Variants in GIGYF2 observed in about 807,000 individuals in gnomAD.
GIGYF2 encodes GRB10 interacting GYF protein 2, also known as GRB10-interacting GYF protein 2.
A neutral mutation model predicts 208.1 loss-of-function variants in GIGYF2; 25 were observed. The ratio of observed to expected loss-of-function variants is 0.12; its 90% CI spans 0.09 to 0.17. GIGYF2 has a LOEUF of 0.17. Ranked by LOEUF, GIGYF2 falls within the 10% of genes least tolerant of loss-of-function variation. The pLI, the probability that GIGYF2 is intolerant of heterozygous loss-of-function variation, is 1.00. For synonymous variants in GIGYF2, 534 were observed against 543.8 expected, an observed-to-expected ratio of 0.98 and a Z score of 0.25; for missense variants, 1,302 against 1,579.4, an observed-to-expected ratio of 0.82 and a Z score of 2.98.
intron 28 of GIGYF2, among the ~76,000 whole-genome samples, chr2:232,855,962 G>T (rs1410507811): frequency 6.6e-6 from 1 of 151,172 alleles, no homozygotes; most frequent in Non-Finnish European, 1.5e-5. Context: ...ACAGAGTCTC[G>T]CTCTGTCACC....
rs1700137253 is a variant in GIGYF2 at position 232,793,624 on chromosome 2, C to T, written c.1283-1124C>T. 2.0e-5 allele frequency among the ~76,000 whole-genome samples: 3 copies of T among 151,992 alleles called. No homozygotes were observed. The South Asian group carries it at 6.2e-4, about 32-fold the overall frequency. ...CGAGAGAGCAGTTGTGAATGAGGGACTGTAGCTAGATGGGAGTAGTTTAGG... is the reference window on the plus strand; with the variant it reads ...CGAGAGAGCAGTTGTGAATGAGGGATTGTAGCTAGATGGGAGTAGTTTAGG... On this transcript the variant is annotated intron_variant, in intron 12 of 28. Coordinates refer to ENST00000373563, the MANE Select transcript of GIGYF2 (RefSeq NM_001103146.3).
intron 21 of GIGYF2, among the ~76,000 whole-genome samples, chr2:232,824,868 C>T (rs1441400043): frequency 6.6e-6 from 1 of 152,170 alleles, no homozygotes; most frequent in Non-Finnish European, 1.5e-5. Flanking sequence ...GCTAATGCAG[C>T]TGGTGACTTA....
chr2:232,756,428 CTG>C (rs1198428253), intron 6 of GIGYF2, 94 bp downstream of exon 6: 5 of 655,644 alleles, frequency 7.6e-6, no homozygotes, highest in Non-Finnish European at 1.3e-5. Context: ...TTAATAAAAA[CTG>C]TTCTTTGACA....
chr2:232,761,563 A>T, intron 8 of GIGYF2, 127 bp downstream of exon 8: 2 of 650,132 alleles, frequency 3.1e-6, no homozygotes, highest in South Asian at 3.3e-5. Flanking sequence ...TGAAGTCTCT[A>T]CTGCATGAAA....
intron 25 of GIGYF2, 126 bp downstream of exon 25, chr2:232,844,700 T>C (rs1447286198): frequency 4.2e-6 from 3 of 709,514 alleles, no homozygotes; most frequent in Non-Finnish European, 5.1e-6. Context: ...TCATCTGTGT[T>C]CAAGCACATG....
intron 3 of GIGYF2, among the ~76,000 whole-genome samples, chr2:232,739,559 G>T (rs1315294340): frequency 6.6e-6 from 1 of 150,562 alleles, no homozygotes; most frequent in Non-Finnish European, 1.5e-5. Context: ...CATATGTTTG[G>T]TGTCAGCTAC....
chr2:232,751,857 T>C (rs1053460006), intron 5 of GIGYF2, among the ~76,000 whole-genome samples: 7 of 152,242 alleles, frequency 4.6e-5, no homozygotes, highest in African/African-American at 1.7e-4. Flanking sequence ...GCTTGGGATC[T>C]GTTGGTTAAC....
At chr2:232,837,871 A>G (rs1009838166) in intron 22 of GIGYF2, among the ~76,000 whole-genome samples, 8 of 152,220 alleles carry the variant, frequency 5.3e-5, no homozygotes, top group African/African-American at 1.7e-4. Flanking sequence ...TTCTTAAAGC[A>G]AAACCAGTGT....
At chr2:232,803,090 C>T (rs1700450288) in intron 14 of GIGYF2, among the ~76,000 whole-genome samples, 3 of 152,020 alleles carry the variant, frequency 2.0e-5, no homozygotes, top group Admixed American at 1.3e-4. Context: ...GGGGTTTCAC[C>T]ATGTTGGCCA....
At chr2:232,736,290 G>C in intron 3 of GIGYF2, 2 of 525,508 alleles carry the variant, frequency 3.8e-6, no homozygotes, top group South Asian at 1.7e-4. Context: ...GATTTTCTTA[G>C]TATCAAATTA....
intron 21 of GIGYF2, 88 bp from the exon 22 acceptor site, chr2:232,832,769 C>A: frequency 1.1e-6 from 1 of 916,572 alleles, no homozygotes; most frequent in Non-Finnish European, 1.7e-6. Context: ...TCTCTATAGC[C>A]ATTTGACAGA....
At chr2:232,763,549 G>GCA (rs1284634529) in intron 8 of GIGYF2, among the ~76,000 whole-genome samples, 2 of 152,116 alleles carry the variant, frequency 1.3e-5, no homozygotes, top group African/African-American at 4.8e-5. Flanking sequence ...GTGAGGCTGG[G>GCA]CACAGTGGCT....
At chr2:232,774,373 A>G (rs1699421558) in intron 8 of GIGYF2, among the ~76,000 whole-genome samples, 2 of 152,174 alleles carry the variant, frequency 1.3e-5, no homozygotes, top group Admixed American at 1.3e-4. Flanking sequence ...TTCAGTTAGG[A>G]AAGACTTCTT....
chr2:232,710,831 G>T (rs1380662919), intron 2 of GIGYF2, among the ~76,000 whole-genome samples: 1 of 151,528 alleles, frequency 6.6e-6, no homozygotes, highest in Non-Finnish European at 1.5e-5. Context: ...TCCCAGGTAG[G>T]TGGGATTACA....
intron 5 of GIGYF2, among the ~76,000 whole-genome samples, chr2:232,755,345 A>G (rs763723929): frequency 1.3e-5 from 2 of 151,838 alleles, no homozygotes; most frequent in South Asian, 2.1e-4. Flanking sequence ...TAATTTTTGT[A>G]TTTTCAGTAG....
Position 232,747,800 on chromosome 2 carries a change from A to G in GIGYF2, c.171+56A>G, listed in dbSNP as rs1238974664. Reference sequence around the variant, plus strand: ...TGAATGAGACTTTGGGATATATACCATGATGTACTGATACATGAAAACTGA... The same window carrying G: ...TGAATGAGACTTTGGGATATATACCGTGATGTACTGATACATGAAAACTGA... On this transcript the variant is annotated intron_variant, in intron 4 of 28. Transcript: ENST00000373563. The G allele has an allele frequency of 6.1e-6, 9 of 1,484,422 alleles. No individual in the cohort carries two copies. In the East Asian group the frequency reaches 9.0e-5, roughly 15 times the overall value. The allele number at this position is 1,484,422 out of a possible 1,614,324, so 92.0% of individuals were successfully genotyped here.
At chr2:232,747,853 C>A in intron 4 of GIGYF2, 109 bp downstream of exon 4, 1 of 995,074 alleles carries the variant, frequency 1.0e-6, no homozygotes, top group Non-Finnish European at 1.5e-6. Flanking sequence ...TTGACCCATG[C>A]CTTTCCACCT....
chr2:232,761,450 C>G lies in GIGYF2; in HGVS notation c.532+14C>G. 1.3e-6 allele frequency: 2 copies of G among 1,508,876 alleles called. No homozygotes were observed. Among genetic ancestry groups the G allele is most frequent in the Non-Finnish European group, 1.8e-6 (2 of 1,084,878 alleles). The allele number at this position is 1,508,876 out of a possible 1,614,324, so 93.5% of individuals were successfully genotyped here. ...GAAAAGATGTAGGTAAGGTTCTTAC[C>G]TACACACATAAGGATAAATTTATTA... On this transcript the variant is annotated intron_variant, in intron 8 of 28. Coordinates refer to ENST00000373563, the MANE Select transcript of GIGYF2 (RefSeq NM_001103146.3).
rs983398990 is a variant in GIGYF2 at position 232,724,009 on chromosome 2, C to T, written c.-43-11146C>T. On this transcript the variant is annotated intron_variant, in intron 2 of 28. Transcript: ENST00000373563. ...TCGGCCTCCGAAAGTGCTGGGATTA[C>T]GGGTATGAGCCACTGCGCCCAGCCT... Among the ~76,000 whole-genome samples, 75 of 151,518 alleles carry T rather than the reference C, an allele frequency of 4.9e-4. 1 individual carries two copies. Among genetic ancestry groups the T allele is most frequent in the Admixed American group, 3.0e-3 (45 of 15,212 alleles).
Sources: gnomAD v4.1 joint callset for allele counts (sites outside exome capture counted in the v4.1 genomes callset) on GRCh38, gnomAD v4.1.1 for gene constraint, MANE v1.5 for transcripts, NCBI Gene and HGNC (gene_info 2026-07-23, HGNC 2026-07-21) for gene names.